BRD10: variants seen among roughly 807,000 people sequenced by gnomAD.
The protein encoded by BRD10 is uncharacterized bromodomain-containing protein 10.
the BRD10 span, among the ~76,000 whole-genome samples, chr9:5,952,000 CTTAT>C: frequency 0.063 from 8,100 of 127,910 alleles, 251 homozygotes; most frequent in Middle Eastern, 0.11. Flanking sequence ...CAGGAAGAGA[CTTAT>C]TTATTTATTT....
the BRD10 span, among the ~76,000 whole-genome samples, chr9:5,906,627 A>G: frequency 6.6e-6 from 1 of 152,230 alleles, no homozygotes; most frequent in Admixed American, 6.5e-5. Flanking sequence ...TCTTTGACCA[A>G]CTATTGGGTC....
the BRD10 span, among the ~76,000 whole-genome samples, chr9:5,912,241 T>G: frequency 1.3e-5 from 2 of 152,248 alleles, no homozygotes; most frequent in Admixed American, 1.3e-4. Context: ...GCAACTTTAC[T>G]GAATTTATCA....
the BRD10 span, among the ~76,000 whole-genome samples, chr9:5,951,456 C>G: frequency 6.6e-6 from 1 of 151,990 alleles, no homozygotes; most frequent in East Asian, 1.9e-4. Flanking sequence ...ATTATCTATC[C>G]AAAAACAGGT....
chr9:5,879,373 C>CA, the BRD10 span, among the ~76,000 whole-genome samples: 73 of 144,828 alleles, frequency 5.0e-4, no homozygotes, highest in African/African-American at 1.3e-3. Context: ...GACTCTGTCT[C>CA]AAAAAAAAAA....
At chr9:5,966,358 T>C in the BRD10 span, among the ~76,000 whole-genome samples, 1 of 151,874 alleles carries the variant, frequency 6.6e-6, no homozygotes, top group South Asian at 2.1e-4. Flanking sequence ...AATAAAGGGT[T>C]CTGGGTTACA....
At chr9:5,932,593 T>C in the BRD10 span, among the ~76,000 whole-genome samples, 2 of 152,288 alleles carry the variant, frequency 1.3e-5, no homozygotes, top group African/African-American at 2.4e-5. Flanking sequence ...GTGTAGGTTA[T>C]ACATAAAGAC....
the BRD10 span, among the ~76,000 whole-genome samples, chr9:5,911,655 C>CA: frequency 4.6e-5 from 7 of 151,968 alleles, no homozygotes; most frequent in African/African-American, 1.7e-4. Context: ...GTGCCTCAGC[C>CA]TCCCGAGTAA....
chr9:5,924,934 G>T, the BRD10 span: 1 of 949,754 alleles, frequency 1.1e-6, no homozygotes, highest in South Asian at 3.7e-5. Flanking sequence ...AACTACATAT[G>T]GAAATATTTT....
chr9:5,981,051 T>C, the BRD10 span, among the ~76,000 whole-genome samples: 1 of 152,240 alleles, frequency 6.6e-6, no homozygotes, highest in African/African-American at 2.4e-5. Flanking sequence ...TCTGACTAAC[T>C]CTTGACAGGG....
At chr9:5,983,783 T>G in the BRD10 span, among the ~76,000 whole-genome samples, 72 of 151,780 alleles carry the variant, frequency 4.7e-4, no homozygotes, top group Middle Eastern at 3.4e-3. Flanking sequence ...TGATGAAAGC[T>G]AATTATAAAG....
At chr9:5,895,878 C>T in the BRD10 span, among the ~76,000 whole-genome samples, 131 of 152,354 alleles carry the variant, frequency 8.6e-4, no homozygotes, top group Non-Finnish European at 1.6e-3. Context: ...GTGAGTACCA[C>T]GTGACCATGC....
At chr9:5,902,447 C>CT in the BRD10 span, among the ~76,000 whole-genome samples, 5 of 151,444 alleles carry the variant, frequency 3.3e-5, no homozygotes, top group African/African-American at 7.3e-5. Context: ...ACTCTACTGA[C>CT]TTTTTTTTCT....
At chr9:5,920,812 T>C in the BRD10 span, 7 of 1,613,944 alleles carry the variant, frequency 4.3e-6, no homozygotes, top group Non-Finnish European at 5.1e-6. Context: ...ACACTACTGG[T>C]TGTGTAGTTG....
chr9:5,994,034 C>A, the BRD10 span, among the ~76,000 whole-genome samples: 1 of 152,284 alleles, frequency 6.6e-6, no homozygotes, highest in African/African-American at 2.4e-5. Context: ...GCTACAACAG[C>A]CATTAAAACC....
the BRD10 span, chr9:6,007,892 C>T: frequency 7.3e-7 from 1 of 1,369,314 alleles, no homozygotes; most frequent in Non-Finnish European, 9.4e-7. Flanking sequence ...CGCGTAGCCC[C>T]CGCCACATCG....
At chr9:5,924,678 TC>T in the BRD10 span, 1 of 1,512,950 alleles carries the variant, frequency 6.6e-7, no homozygotes, top group Non-Finnish European at 8.9e-7. Flanking sequence ...GTGATCTTTC[TC>T]CAGGATATCC....
At chr9:5,993,322 A>AAC in the BRD10 span, among the ~76,000 whole-genome samples, 6 of 31,786 alleles carry the variant, frequency 1.9e-4, no homozygotes, top group African/African-American at 3.0e-4. Flanking sequence ...TAAAAAAAAA[A>AAC]AAAAAAAAAA....
the BRD10 span, chr9:5,919,951 A>G: frequency 1.1e-5 from 17 of 1,613,904 alleles, no homozygotes; most frequent in East Asian, 2.2e-5. Flanking sequence ...AAGATGTCTT[A>G]GCCAAAAGAG....
At chr9:5,955,987 T>C in the BRD10 span, among the ~76,000 whole-genome samples, 1 of 152,166 alleles carries the variant, frequency 6.6e-6, no homozygotes, top group Admixed American at 6.5e-5. Flanking sequence ...ACACTGCCTT[T>C]ACCATTTTTT....
Sources: gnomAD v4.1 joint callset for allele counts (sites outside exome capture counted in the v4.1 genomes callset) on GRCh38, gnomAD v4.1.1 for gene constraint, MANE v1.5 for transcripts, NCBI Gene and HGNC (gene_info 2026-07-23, HGNC 2026-07-21) for gene names.